The following GXYLT2 variants were observed in gnomAD, a reference collection of about 807,000 sequenced individuals.
GXYLT2 encodes the protein glycosyltransferase 8 domain containing 4.
In GXYLT2, 53 loss-of-function variants were observed where a neutral mutation model predicts 45.8. That is an observed-to-expected ratio of 1.16 (90% CI 0.93 to 1.46). The LOEUF (loss-of-function observed/expected upper bound fraction) is 1.46. GXYLT2 is among the 40% of genes most tolerant of loss of function. The pLI is 0.00. For synonymous variants in GXYLT2, 219 were observed against 214.2 expected (o/e 1.02, Z -0.19); for missense variants, 551 against 544.4 (o/e 1.01, Z -0.12).
intron 3 of GXYLT2, among the ~76,000 whole-genome samples, chr3:72,937,201 A>G (rs1273897196): frequency 6.6e-6 from 1 of 152,248 alleles, no homozygotes; most frequent in Non-Finnish European, 1.5e-5. Context: ...GATTATTATC[A>G]GCTTTTTTTT....
intron 3 of GXYLT2, among the ~76,000 whole-genome samples, chr3:72,924,858 T>C (rs772917920): frequency 1.3e-5 from 2 of 152,158 alleles, no homozygotes; most frequent in African/African-American, 4.8e-5. Context: ...TAATTTCTTA[T>C]GGCTCAACGT....
intron 3 of GXYLT2, among the ~76,000 whole-genome samples, chr3:72,923,251 A>C (rs1709861326): frequency 6.6e-6 from 1 of 151,476 alleles, no homozygotes; most frequent in Non-Finnish European, 1.5e-5. Context: ...GCTAAACTAC[A>C]TCTCAAAAAA....
At chr3:72,957,151 A>G in intron 4 of GXYLT2, 78 bp from the exon 5 acceptor site, 1 of 1,407,040 alleles carries the variant, frequency 7.1e-7, no homozygotes, top group African/African-American at 1.5e-5. Context: ...GAAGAAAACT[A>G]GTCCCTTTAC....
rs1331791542 is a variant in GXYLT2, at chr3:72,975,146, A to C, written c.1319A>C (p.Asn440Thr). 4 of 1,611,222 alleles carry C rather than the reference A, an allele frequency of 2.5e-6. No individual in the cohort carries two copies. The highest frequency in any genetic ancestry group is 1.7e-6 in the Non-Finnish European group (2 of 1,178,504). The change falls in exon 7 of 7, where the codon AAC becomes ACC. Residue 440 changes from asparagine (N) to threonine (T), a missense_variant. Physicochemically the swap from Asn to Thr is moderately conservative, Grantham distance 65. Transcript: ENST00000389617. ...CACGTCATCATCCATGTTGGCCCCA[A>C]CCAGATGCACTGAATATTTTGTCTT... is the stretch of plus-strand genomic sequence containing the variant. Reference protein sequence around the residue: ...EKHVIIHVGPNQMH With the variant: ...EKHVIIHVGPTQMH
chr3:72,906,885 C>T lies in GXYLT2; in HGVS notation c.276-1482C>T, dbSNP rs561361979. On this transcript the variant is annotated intron_variant, in intron 1 of 6. Coordinates refer to ENST00000389617, the MANE Select transcript of GXYLT2 (RefSeq NM_001080393.2). ...TACAAGTAGGAGCCATAGTCAGCAG[C>T]TTGGACTTGATCTTGGGGACAGCGG... Among the ~76,000 whole-genome samples, 18 of 152,294 alleles carry T rather than the reference C, an allele frequency of 1.2e-4. No individual in the cohort carries two copies. In the South Asian group the frequency reaches 3.3e-3, roughly 28 times the overall value.
At chr3:72,904,264 T>G (rs9790198) in intron 1 of GXYLT2, among the ~76,000 whole-genome samples, 63,196 of 152,154 alleles carry the variant, frequency 0.42, 13,354 homozygotes, top group Admixed American at 0.52. Flanking sequence ...CTCCCCTGGA[T>G]CCTCACAATC....
At chr3:72,924,726 A>G (rs1423333143) in intron 3 of GXYLT2, among the ~76,000 whole-genome samples, 1 of 152,036 alleles carries the variant, frequency 6.6e-6, no homozygotes, top group African/African-American at 2.4e-5. Context: ...GGCTCGTTGT[A>G]AGAGTTGAAG....
rs1419980237 is a variant in GXYLT2, at chr3:72,975,478, G to T, written c.*319G>T. 1 of 213,150 alleles carries T rather than the reference G, an allele frequency of 4.7e-6. No individual in the cohort carries two copies. Among genetic ancestry groups the T allele is most frequent in the Non-Finnish European group, 9.2e-6 (1 of 108,214 alleles). 13.2% of individuals were successfully genotyped at this position (213,150 alleles called of 1,614,324 possible). On this transcript the variant is annotated 3_prime_UTR_variant, in exon 7 of 7. Coordinates refer to ENST00000389617, the MANE Select transcript of GXYLT2 (RefSeq NM_001080393.2). ...TTCCTAAACGTCTGAGACCATTTCA[G>T]TGGCACCTGAGGTGTTATATTGATC...
Position 72,929,874 on chromosome 3 carries a change from A to C in GXYLT2, c.600+7539A>C, listed in dbSNP as rs562880252. Among the ~76,000 whole-genome samples the C allele has an allele frequency of 3.9e-5, 6 of 152,338 alleles. No homozygotes were observed. In the South Asian group the frequency reaches 1.2e-3, roughly 32 times the overall value. On this transcript the variant is annotated intron_variant, in intron 3 of 6. Coordinates refer to ENST00000389617, the MANE Select transcript of GXYLT2 (RefSeq NM_001080393.2). ...ATGGATTCGACAATCAAATAAAAAC[A>C]CAGAGTTGCAGGCCCGCTGCAGTGG...
intron 1 of GXYLT2, among the ~76,000 whole-genome samples, chr3:72,893,455 ACT>A (rs1709221734): frequency 1.3e-5 from 2 of 151,132 alleles, no homozygotes; most frequent in Admixed American, 1.3e-4. Flanking sequence ...CCTCTCCATC[ACT>A]CTCTTCTTCC....
intron 2 of GXYLT2, 127 bp from the exon 3 acceptor site, chr3:72,922,077 G>A: frequency 1.3e-6 from 1 of 761,654 alleles, no homozygotes; most frequent in Non-Finnish European, 2.2e-6. Flanking sequence ...ATTCATAGTG[G>A]TGATGAAGTT....
intron 5 of GXYLT2, among the ~76,000 whole-genome samples, chr3:72,966,670 C>G (rs1473370779): frequency 6.7e-6 from 1 of 149,796 alleles, no homozygotes. Context: ...TATTTTGTTG[C>G]TCAGGGTGGA....
At chr3:72,928,263 T>G (rs1213150665) in intron 3 of GXYLT2, among the ~76,000 whole-genome samples, 2 of 152,242 alleles carry the variant, frequency 1.3e-5, no homozygotes, top group African/African-American at 4.8e-5. Context: ...GAAATTGTCC[T>G]AAGGACCTAG....
intron 6 of GXYLT2, among the ~76,000 whole-genome samples, chr3:72,970,148 C>T (rs1004131341): frequency 1.3e-5 from 2 of 151,946 alleles, no homozygotes; most frequent in African/African-American, 2.4e-5. Context: ...GTTAGGAATT[C>T]AAGACCAGCC....
chr3:72,906,561 C>T (rs1231319302), intron 1 of GXYLT2, among the ~76,000 whole-genome samples: 1 of 151,786 alleles, frequency 6.6e-6, no homozygotes, highest in African/African-American at 2.4e-5. Flanking sequence ...TTCCCTTATT[C>T]CCTGCAGAAC....
intron 1 of GXYLT2, among the ~76,000 whole-genome samples, chr3:72,892,898 A>C (rs1709209158): frequency 1.3e-5 from 2 of 151,962 alleles, no homozygotes; most frequent in Non-Finnish European, 2.9e-5. Context: ...CTCCACACCT[A>C]CTCAGTCAGT....
chr3:72,950,953 G>A (rs905327664), intron 3 of GXYLT2, among the ~76,000 whole-genome samples: 11 of 152,034 alleles, frequency 7.2e-5, no homozygotes, highest in African/African-American at 1.2e-4. Context: ...CAGCAGCATC[G>A]GGTACAGAGT....
chr3:72,894,014 G>C (rs1456345124), intron 1 of GXYLT2, among the ~76,000 whole-genome samples: 1 of 152,068 alleles, frequency 6.6e-6, no homozygotes, highest in African/African-American at 2.4e-5. Flanking sequence ...TATGTCATAT[G>C]ACCCAAACTG....
chr3:72,916,952 A>G (rs1709755473), intron 2 of GXYLT2, among the ~76,000 whole-genome samples: 1 of 152,064 alleles, frequency 6.6e-6, no homozygotes, highest in East Asian at 1.9e-4. Flanking sequence ...ATGCTCAAAA[A>G]TATTTTTTAT....
Sources: allele counts gnomAD v4.1 joint callset (sites outside exome capture counted in the v4.1 genomes callset), GRCh38; gene constraint gnomAD v4.1.1; transcripts MANE v1.5; gene names NCBI Gene and HGNC (gene_info 2026-07-23, HGNC 2026-07-21).